The following FHIT variants were observed in gnomAD, a reference collection of about 807,000 sequenced individuals.
The protein encoded by FHIT is bis(5'-adenosyl)-triphosphatase.
FHIT carries 19 observed loss-of-function variants against 17.9 expected under a neutral mutation model. The ratio of observed to expected loss-of-function variants is 1.06; its 90% CI spans 0.74 to 1.56. FHIT has a LOEUF of 1.56. Ranked by LOEUF, FHIT falls within the 40% of genes most tolerant of loss-of-function variation. The pLI is 0.00. For synonymous variants in FHIT, 81 were observed against 69.7 expected (o/e 1.16, Z -0.81); for missense variants, 248 against 189.2 (o/e 1.31, Z -1.82).
intron 5 of FHIT, among the ~76,000 whole-genome samples, chr3:60,450,947 A>T (rs1049400005): frequency 1.3e-5 from 2 of 152,182 alleles, no homozygotes; most frequent in African/African-American, 4.8e-5. Context: ...GAGAGATATA[A>T]GCAGATAAAA....
In FHIT at chr3:60,214,814, C is replaced by T. The variant is rs575041391; in HGVS notation, c.104-200662G>A. Among the ~76,000 whole-genome samples the T allele has an allele frequency of 1.1e-3, 166 of 151,724 alleles. 1 individual carries two copies. Among genetic ancestry groups the T allele is most frequent in the African/African-American group, 3.8e-3 (155 of 41,262 alleles). ...ATAAAGAAAATGTGGTACATATATA[C>T]CACAGAATACTATGCAGCTGTAAAA... is the stretch of plus-strand genomic sequence containing the variant. On this transcript the variant is annotated intron_variant, in intron 5 of 9. Transcript: ENST00000492590.
chr3:60,850,866 T>C (rs142333176), intron 3 of FHIT, among the ~76,000 whole-genome samples: 152 of 152,292 alleles, frequency 1.0e-3, no homozygotes, highest in African/African-American at 2.6e-3. Context: ...GTATACCTTA[T>C]TGGTATTTTT....
chr3:60,359,687 G>C (rs559356230), intron 5 of FHIT, among the ~76,000 whole-genome samples: 1 of 152,306 alleles, frequency 6.6e-6, no homozygotes, highest in South Asian at 2.1e-4. Context: ...AAAGGTTCTG[G>C]TATTTATCAT....
intron 3 of FHIT, among the ~76,000 whole-genome samples, chr3:60,882,262 G>A (rs1553758113): frequency 1.3e-5 from 2 of 152,062 alleles, no homozygotes; most frequent in African/African-American, 4.8e-5. Context: ...GAAAAGCCCA[G>A]GACCTGATAG....
chr3:60,946,081 A>C (rs9859690), intron 3 of FHIT, among the ~76,000 whole-genome samples: 1 of 151,870 alleles, frequency 6.6e-6, no homozygotes, highest in Non-Finnish European at 1.5e-5. Flanking sequence ...AAAGAAGAGA[A>C]GAACCATAGC....
intron 5 of FHIT, among the ~76,000 whole-genome samples, chr3:60,061,826 C>T (rs1259078370): frequency 1.3e-5 from 2 of 152,074 alleles, no homozygotes; most frequent in African/African-American, 4.8e-5. Flanking sequence ...GGGAATCATA[C>T]AGAAGGAAGG....
At chr3:60,917,183 A>G (rs1489263311) in intron 3 of FHIT, among the ~76,000 whole-genome samples, 1 of 152,226 alleles carries the variant, frequency 6.6e-6, no homozygotes. Flanking sequence ...GCCAACAGAG[A>G]ATACTACTTT....
chr3:60,166,884 C>G (rs17062415), intron 5 of FHIT, among the ~76,000 whole-genome samples: 14,962 of 152,110 alleles, frequency 0.098, 1,085 homozygotes, highest in African/African-American at 0.2. Context: ...GCAGCAAGGG[C>G]CTTCAGAAAC....
intron 4 of FHIT, among the ~76,000 whole-genome samples, chr3:60,656,414 C>A (rs1227996965): frequency 6.6e-6 from 1 of 152,174 alleles, no homozygotes; most frequent in Non-Finnish European, 1.5e-5. Flanking sequence ...CCTCTTCCCA[C>A]AGCTAGAAGG....
At chr3:59,942,784 G>A (rs983091966) in intron 7 of FHIT, among the ~76,000 whole-genome samples, 4 of 152,084 alleles carry the variant, frequency 2.6e-5, no homozygotes, top group African/African-American at 9.7e-5. Context: ...AAAAAGCTTG[G>A]ACTACAGGCA....
chr3:60,713,624 C>T (rs1415913904), intron 4 of FHIT, among the ~76,000 whole-genome samples: 17 of 152,144 alleles, frequency 1.1e-4, no homozygotes, highest in African/African-American at 4.1e-4. Flanking sequence ...GAAATACAAA[C>T]TACCATCAGA....
At chr3:60,527,680 T>G (rs1006755050) in intron 5 of FHIT, among the ~76,000 whole-genome samples, 3 of 152,120 alleles carry the variant, frequency 2.0e-5, no homozygotes, top group Non-Finnish European at 4.4e-5. Flanking sequence ...ATAAAGCCAC[T>G]AACAGCAAAA....
intron 5 of FHIT, among the ~76,000 whole-genome samples, chr3:60,059,185 T>C (rs886642631): frequency 2.0e-5 from 3 of 152,172 alleles, no homozygotes; most frequent in African/African-American, 4.8e-5. Context: ...CGTCTTCCTA[T>C]ATTGATAGGA....
chr3:60,145,098 C>T lies in FHIT; in HGVS notation c.104-130946G>A, dbSNP rs1700184004. Among the ~76,000 whole-genome samples the T allele has an allele frequency of 1.3e-5, 2 of 152,128 alleles. 1 individual carries two copies. On this transcript the variant is annotated intron_variant, in intron 5 of 9. Transcript: ENST00000492590. ...CCTCAGTATTCCCCTTCAACTAACT[C>T]TCAACCCATTTGAAATCTTATTCAT... is the stretch of plus-strand genomic sequence containing the variant.
At chr3:60,776,217 T>G (rs1553724415) in intron 4 of FHIT, among the ~76,000 whole-genome samples, 2 of 152,144 alleles carry the variant, frequency 1.3e-5, no homozygotes, top group Admixed American at 6.5e-5. Context: ...CCCTGTAAGA[T>G]TCAATGTCTG....
chr3:59,776,929 A>G (rs1037125098), intron 8 of FHIT, among the ~76,000 whole-genome samples: 1 of 152,144 alleles, frequency 6.6e-6, no homozygotes, highest in African/African-American at 2.4e-5. Flanking sequence ...TTCTTAACCT[A>G]TAACTCCTGT....
chr3:60,706,290 G>A (rs1553703554), intron 4 of FHIT, among the ~76,000 whole-genome samples: 2 of 152,112 alleles, frequency 1.3e-5, no homozygotes, highest in African/African-American at 2.4e-5. Context: ...TAATGCATGC[G>A]GGGCTTAAAA....
intron 6 of FHIT, among the ~76,000 whole-genome samples, chr3:60,011,676 T>C (rs1011700628): frequency 2.0e-5 from 3 of 152,198 alleles, no homozygotes; most frequent in Admixed American, 6.5e-5. Flanking sequence ...ATGGTTTTAA[T>C]TGCATTAAAG....
intron 2 of FHIT, among the ~76,000 whole-genome samples, chr3:61,061,229 T>C (rs1484548118): frequency 6.6e-6 from 1 of 152,188 alleles, no homozygotes; most frequent in Admixed American, 6.5e-5. Context: ...CCCCCCTCCT[T>C]TGAGTCTCCC....
Sources: gnomAD v4.1 joint callset for allele counts (sites outside exome capture counted in the v4.1 genomes callset) on GRCh38, gnomAD v4.1.1 for gene constraint, MANE v1.5 for transcripts, NCBI Gene and HGNC (gene_info 2026-07-23, HGNC 2026-07-21) for gene names.